C1GALT1C1: variants seen among roughly 807,000 people sequenced by gnomAD.
C1GALT1C1 encodes C1GALT1 specific chaperone 1.
For synonymous variants in C1GALT1C1, 77 were observed against 77.9 expected (o/e 0.99, Z 0.06); for missense variants, 176 against 234.7 (o/e 0.75, Z 1.63).
rs1254537294 is a variant in C1GALT1C1 at position 120,626,566 on chromosome X, G to A, written c.601C>T (p.Leu201Phe). 1 of 1,211,379 alleles carries A rather than the reference G, an allele frequency of 8.3e-7. No individual in the cohort carries two copies. The highest frequency in any genetic ancestry group is 1.8e-5 in the South Asian group (1 of 57,017). Residue 201 changes from leucine (L) to phenylalanine (F), a missense_variant, in exon 2 of 2, where the codon CTC becomes TTC. Transcript: ENST00000304661. ...VESMKRLNSL[L>F]NIPEKCPEQG... Reference sequence around the variant, plus strand: ...TCAGGACACTTTTCTGGGATATTGAGAAGGCTGTTAAGTCTTTTCATTGAT... The same window carrying A: ...TCAGGACACTTTTCTGGGATATTGAAAAGGCTGTTAAGTCTTTTCATTGAT...
In C1GALT1C1 at chrX:120,626,865, C is replaced by T. The variant is rs149340486; in HGVS notation, c.302G>A (p.Ser101Asn). 7.4e-3 allele frequency: 8,937 copies of T among 1,209,810 alleles called. 31 individuals are homozygous for T. The highest frequency in any genetic ancestry group is 9.3e-3 in the Non-Finnish European group (8,290 of 895,201). Residue 101 changes from serine (S) to asparagine (N), a missense_variant, in exon 2 of 2, where the codon AGT becomes AAT. Transcript: ENST00000304661. ...TKHCDKAEFF[S>N]SENVKVFESI... ...CTCAAACACTTTAACATTTTCAGAA[C>T]TGAAGAACTCTGCTTTGTCACAGTG...
In C1GALT1C1 at chrX:120,626,480, A is replaced by G. The variant is rs771889952; in HGVS notation, c.687T>C (p.Tyr229=). ...EDKQLAVCLK[Y]AGVFAENAED... is the part of the protein sequence containing the mutation. ...CTGCATTTTCTGCAAATACTCCAGC[A>G]TATTTCAGGCAAACTGCTAGCTGTT... The change falls in exon 2 of 2, where the codon TAT becomes TAC. Residue 229 remains tyrosine, a synonymous_variant. Transcript: ENST00000304661. 5.8e-6 allele frequency: 7 copies of G among 1,212,061 alleles called. No homozygotes were observed. The highest frequency in any genetic ancestry group is 1.7e-5 in the African/African-American group (1 of 57,967).
At chrX:120,627,327 G>A (rs1205983047) in intron 1 of C1GALT1C1, 156 bp from the exon 2 acceptor site, 9 of 344,964 alleles carry the variant, frequency 2.6e-5, no homozygotes, top group Non-Finnish European at 4.3e-5. Context: ...AGTACAAAAG[G>A]CTCTCAAAAT....
intron 1 of C1GALT1C1, 54 bp downstream of exon 1, chrX:120,629,863 G>A (rs749998292): frequency 1.3e-4 from 15 of 112,228 alleles, no homozygotes; most frequent in Non-Finnish European, 2.6e-4. Flanking sequence ...TCCCCCAAGA[G>A]AGGGAGGGGA....
In C1GALT1C1 at chrX:120,626,362, C is replaced by T; in HGVS notation, c.805G>A (p.Gly269Ser). 8.2e-7 allele frequency: 1 copy of T among 1,212,256 alleles called. No homozygotes were observed. The highest frequency in any genetic ancestry group is 1.1e-6 in the Non-Finnish European group (1 of 895,541). ...MTYHPNQVVEGCCSDMAVTFN... is the reference protein window; with the variant it reads ...MTYHPNQVVESCCSDMAVTFN... ...GTAACAGCCATATCTGAACAACAGC[C>T]TTCTACTACCTGGTTGGGGTGATAA... Residue 269 changes from glycine (G) to serine (S), a missense_variant, in exon 2 of 2, where the codon GGC (glycine) becomes AGC (serine). Gly to Ser is a moderately conservative substitution (Grantham distance 56). Transcript: ENST00000304661.
At position 120,626,534 on chromosome X, in the gene C1GALT1C1, T is replaced by G. The variant is rs1468648891; in HGVS notation, c.633A>C (p.Gly211=). ...CTTCAGATATCTTCCAAATCATCCC[T>G]CCCTGTTCAGGACACTTTTCTGGGA... ...LNIPEKCPEQ[G]GMIWKISEDK... Residue 211 remains glycine, a synonymous_variant, in exon 2 of 2, where the codon GGA becomes GGC. Coordinates refer to ENST00000304661, the MANE Select transcript of C1GALT1C1 (RefSeq NM_001011551.3). The G allele has an allele frequency of 8.3e-7, 1 of 1,210,658 alleles. No homozygotes were observed. Among genetic ancestry groups the G allele is most frequent in the Non-Finnish European group, 1.1e-6 (1 of 895,353 alleles).
At position 120,626,774 on chromosome X, in the gene C1GALT1C1, A is replaced by T. The variant is rs17261572; in HGVS notation, c.393T>A (p.Asp131Glu). Reference sequence around the variant, plus strand: ...ACCAGTTGTATTGGTCTCTATACTTATCAAAGGCGTATTTGTAAGCTTTTC... The same window carrying T: ...ACCAGTTGTATTGGTCTCTATACTTTTCAAAGGCGTATTTGTAAGCTTTTC... ...MMRKAYKYAF[D>E]KYRDQYNWFF... The change falls in exon 2 of 2, where the codon GAT (aspartate) becomes GAA (glutamate). Residue 131 changes from aspartate to glutamate, a missense_variant. Asp to Glu is a conservative substitution (Grantham distance 45). Coordinates refer to ENST00000304661, the MANE Select transcript of C1GALT1C1 (RefSeq NM_001011551.3). The T allele has an allele frequency of 0.22, 263,312 of 1,207,804 alleles. 20,280 individuals are homozygous for T. Among genetic ancestry groups the T allele is most frequent in the South Asian group, 0.29 (16,420 of 56,726 alleles).
Position 120,627,151 on chromosome X carries a change from T to C in C1GALT1C1, c.16A>G (p.Ser6Gly), listed in dbSNP as rs767099961. MLSES[S>G]SFLKGVMLGS... is the part of the protein sequence containing the mutation. Reference sequence around the variant, plus strand: ...AGCATCACACCCTTCAAAAAGGAGCTGCTTTCAGAAAGCATTTTTCCTATA... The same window carrying C: ...AGCATCACACCCTTCAAAAAGGAGCCGCTTTCAGAAAGCATTTTTCCTATA... The change falls in exon 2 of 2, where the codon AGC becomes GGC. Residue 6 changes from serine (S) to glycine (G), a missense_variant. By Grantham distance (56) the Ser-to-Gly change is moderately conservative. Coordinates refer to ENST00000304661, the MANE Select transcript of C1GALT1C1 (RefSeq NM_001011551.3). The C allele has an allele frequency of 2.7e-6, 3 of 1,117,595 alleles. No individual in the cohort carries two copies. In the Admixed American group the frequency reaches 8.9e-5, roughly 33 times the overall value. The allele number at this position is 1,117,595 out of a possible 1,213,427, so 92.1% of individuals were successfully genotyped here. A position where few individuals can be genotyped will look rare whatever the true frequency, so the allele number is the denominator to read the frequency against.
Position 120,629,991 on chromosome X carries a change from G to C in C1GALT1C1, c.-80C>G, listed in dbSNP as rs948297251. 3.6e-5 allele frequency: 4 copies of C among 112,357 alleles called. No homozygotes were observed. The highest frequency in any genetic ancestry group is 1.3e-4 in the African/African-American group (4 of 30,898). 9.3% of individuals were successfully genotyped at this position (112,357 alleles called of 1,213,427 possible). A position where few individuals can be genotyped will look rare whatever the true frequency, so the allele number is the denominator to read the frequency against. On this transcript the variant is annotated 5_prime_UTR_variant, in exon 1 of 2. Transcript: ENST00000304661. ...TCCTCTCACGTTGGCGCACCACTCC[G>C]TTACGCTCCTGACCAGGCTGTTCTA... is the stretch of plus-strand genomic sequence containing the variant.
chrX:120,626,664 T>A lies in C1GALT1C1; in HGVS notation c.503A>T (p.Tyr168Phe), dbSNP rs1927186126. Residue 168 changes from tyrosine to phenylalanine, a missense_variant, in exon 2 of 2, where the codon TAT (tyrosine) becomes TTT (phenylalanine). Tyr to Phe is a conservative substitution (Grantham distance 22). Coordinates refer to ENST00000304661, the MANE Select transcript of C1GALT1C1 (RefSeq NM_001011551.3). ...TCCAGATTTTATAGTGTGGCCTAGA[T>A]AGAAAGGCTGTGATGGATCCTTTTT... is the stretch of plus-strand genomic sequence containing the variant. ...LLKKDPSQPFYLGHTIKSGDL... is the reference protein window; with the variant it reads ...LLKKDPSQPFFLGHTIKSGDL... The A allele has an allele frequency of 8.3e-7, 1 of 1,208,426 alleles. No homozygotes were observed. The highest frequency in any genetic ancestry group is 1.7e-5 in the African/African-American group (1 of 57,190).
chrX:120,628,506 TCA>T (rs1418307285), intron 1 of C1GALT1C1, among the ~76,000 whole-genome samples: 1 of 112,134 alleles, frequency 8.9e-6, no homozygotes, highest in East Asian at 2.8e-4. Flanking sequence ...ACTGACTCAG[TCA>T]CACAGTTAGA....
At position 120,626,894 on chromosome X, in the gene C1GALT1C1, G is replaced by C; in HGVS notation, c.273C>G (p.Thr91=). 1 of 1,211,714 alleles carries C rather than the reference G, an allele frequency of 8.3e-7. No individual in the cohort carries two copies. The highest frequency in any genetic ancestry group is 1.1e-6 in the Non-Finnish European group (1 of 895,537). The stretch of plus-strand genomic sequence containing the variant: ...AGAACTCTGCTTTGTCACAGTGTTT[G>C]GTCCAAGTCTCCTTTACTGCAGCCC... ...SLWAAVKETW[T]KHCDKAEFFS... is the part of the protein sequence containing the mutation. The change falls in exon 2 of 2, where the codon ACC becomes ACG. Residue 91 remains threonine (T), a synonymous_variant. Transcript: ENST00000304661.
intron 1 of C1GALT1C1, 57 bp downstream of exon 1, chrX:120,629,860 A>G (rs180956880): frequency 8.9e-6 from 1 of 112,040 alleles, no homozygotes; most frequent in Non-Finnish European, 1.9e-5. Context: ...GCCTCCCCCA[A>G]GAGAGGGAGG....
chrX:120,629,814 C>T (rs1927297415), intron 1 of C1GALT1C1, 103 bp downstream of exon 1: 2 of 112,093 alleles, frequency 1.8e-5, no homozygotes, highest in Admixed American at 1.9e-4. Context: ...CCCAAGCATC[C>T]CGCGTGGAGC....
rs749718983 is a variant in C1GALT1C1, at chrX:120,625,877, T to A, written c.*333A>T. 4.6e-4 allele frequency: 74 copies of A among 159,532 alleles called. No homozygotes were observed. Among genetic ancestry groups the A allele is most frequent in the South Asian group, 3.4e-3 (13 of 3,808 alleles). 13.1% of individuals were successfully genotyped at this position (159,532 alleles called of 1,213,427 possible). On this transcript the variant is annotated 3_prime_UTR_variant, in exon 2 of 2. Coordinates refer to ENST00000304661, the MANE Select transcript of C1GALT1C1 (RefSeq NM_001011551.3). ...TTAGAACGCTAAAGACCTGTTAAAA[T>A]TTTTTAACCAATCAGCAAAAATATG...
chrX:120,629,502 A>AT (rs1482683108), intron 1 of C1GALT1C1, among the ~76,000 whole-genome samples: 44 of 111,167 alleles, frequency 4.0e-4, no homozygotes, highest in East Asian at 1.7e-3. Flanking sequence ...TTCTAAGGAG[A>AT]TTTTTTCCCC....
At position 120,626,501 on chromosome X, in the gene C1GALT1C1, C is replaced by G. The variant is rs200973382; in HGVS notation, c.666G>C (p.Gln222His). The G allele has an allele frequency of 3.2e-4, 382 of 1,210,871 alleles. No individual in the cohort carries two copies. Among genetic ancestry groups the G allele is most frequent in the South Asian group, 1.9e-3 (106 of 56,933 alleles). The change falls in exon 2 of 2, where the codon CAG (glutamine) becomes CAC (histidine). Residue 222 changes from glutamine to histidine, a missense_variant. Coordinates refer to ENST00000304661, the MANE Select transcript of C1GALT1C1 (RefSeq NM_001011551.3). ...CAGCATATTTCAGGCAAACTGCTAG[C>G]TGTTTATCTTCAGATATCTTCCAAA... ...GMIWKISEDK[Q>H]LAVCLKYAGV...
chrX:120,629,119 C>A (rs1356729284), intron 1 of C1GALT1C1, among the ~76,000 whole-genome samples: 1 of 109,640 alleles, frequency 9.1e-6, no homozygotes, highest in Non-Finnish European at 1.9e-5. Flanking sequence ...CCCAGCTACT[C>A]AGGAGGCTGA....
rs777509909 is a variant in C1GALT1C1 at position 120,626,666 on chromosome X, G to A, written c.501C>T (p.Phe167=). ...CAGATTTTATAGTGTGGCCTAGATA[G>A]AAAGGCTGTGATGGATCCTTTTTTA... ...FLLKKDPSQP[F]YLGHTIKSGD... is the part of the protein sequence containing the mutation. Residue 167 remains phenylalanine (F), a synonymous_variant, in exon 2 of 2, where the codon TTC becomes TTT. Transcript: ENST00000304661. 4.1e-6 allele frequency: 5 copies of A among 1,208,192 alleles called. No individual in the cohort carries two copies. In the African/African-American group the frequency reaches 8.7e-5, roughly 21 times the overall value.
Sources: allele counts gnomAD v4.1 joint callset (sites outside exome capture counted in the v4.1 genomes callset), GRCh38; gene constraint gnomAD v4.1.1; transcripts MANE v1.5; gene names NCBI Gene and HGNC (gene_info 2026-07-23, HGNC 2026-07-21).